CDH8: variants seen among roughly 807,000 people sequenced by gnomAD.
CDH8 encodes cadherin-8.
Under a neutral mutation model 68.1 loss-of-function variants are expected in CDH8, and 17 were observed. That is an observed-to-expected ratio of 0.25 (90% CI 0.17 to 0.37). The LOEUF is 0.37. Ranked by LOEUF, CDH8 falls within the 10% of genes least tolerant of loss-of-function variation. The pLI is 1.00. For missense variants in CDH8, 763 were observed against 999.3 expected (o/e 0.76, Z 3.19); for synonymous variants, 372 against 365.1 (o/e 1.02, Z -0.21).
chr16:62,016,478 C>T (rs1188846806), intron 2 of CDH8, among the ~76,000 whole-genome samples: 4 of 152,320 alleles, frequency 2.6e-5, no homozygotes, highest in African/African-American at 9.6e-5. Flanking sequence ...AGTATCTGCA[C>T]ATTTTACCAC....
intron 2 of CDH8, among the ~76,000 whole-genome samples, chr16:62,010,424 G>C (rs1901778828): frequency 6.6e-6 from 1 of 152,138 alleles, no homozygotes; most frequent in South Asian, 2.1e-4. Flanking sequence ...GCACAGGTTT[G>C]ACTCTGGGCT....
At chr16:61,940,063 C>T (rs967395363) in intron 2 of CDH8, among the ~76,000 whole-genome samples, 1 of 152,134 alleles carries the variant, frequency 6.6e-6, no homozygotes, top group Non-Finnish European at 1.5e-5. Flanking sequence ...ACCCATTTTA[C>T]CACATCAAAA....
chr16:61,890,590 G>C (rs1382195071), intron 3 of CDH8, among the ~76,000 whole-genome samples: 1 of 152,160 alleles, frequency 6.6e-6, no homozygotes, highest in Non-Finnish European at 1.5e-5. Context: ...TGGCGGTGGG[G>C]TAAGAGGAAG....
intron 4 of CDH8, among the ~76,000 whole-genome samples, chr16:61,825,518 G>A (rs2143001732): frequency 6.6e-6 from 1 of 152,008 alleles, no homozygotes; most frequent in South Asian, 2.1e-4. Flanking sequence ...AACCCTGGGA[G>A]TGAAAGAATT....
Position 61,649,413 on chromosome 16 carries a change from C to T in CDH8, c.*4195G>A, listed in dbSNP as rs1234299834. ...AGTAACTGAATTGTGTATATATGTG[C>T]ATATTTATATATATGAATATATTTA... On this transcript the variant is annotated 3_prime_UTR_variant, in exon 12 of 12. Transcript: ENST00000577390. 6.6e-6 allele frequency: 1 copy of T among 150,732 alleles called. No homozygotes were observed. Among genetic ancestry groups the T allele is most frequent in the Non-Finnish European group, 1.5e-5 (1 of 67,758 alleles). The allele number at this position is 150,732 out of a possible 1,614,324, so 9.3% of individuals were successfully genotyped here.
chr16:61,679,128 A>T (rs1476640555), intron 10 of CDH8, among the ~76,000 whole-genome samples: 1 of 152,046 alleles, frequency 6.6e-6, no homozygotes, highest in Non-Finnish European at 1.5e-5. Flanking sequence ...CAGGCTAAAG[A>T]TTTAATAAAA....
At chr16:61,728,907 G>A (rs1959457139) in intron 8 of CDH8, among the ~76,000 whole-genome samples, 1 of 150,918 alleles carries the variant, frequency 6.6e-6, no homozygotes, top group South Asian at 2.1e-4. Flanking sequence ...TAACACTTTT[G>A]TTATAGAATT....
chr16:61,983,441 G>C (rs551869413), intron 2 of CDH8, among the ~76,000 whole-genome samples: 1 of 152,102 alleles, frequency 6.6e-6, no homozygotes, highest in Non-Finnish European at 1.5e-5. Context: ...CGACATTCTA[G>C]GACATTTATC....
At chr16:61,733,820 G>T (rs1006245697) in intron 8 of CDH8, among the ~76,000 whole-genome samples, 6 of 151,824 alleles carry the variant, frequency 4.0e-5, no homozygotes, top group African/African-American at 1.5e-4. Context: ...GTAACTCGTT[G>T]ATTCTTGAGC....
At chr16:61,655,829 A>G (rs111810282) in intron 10 of CDH8, 108 bp from the exon 11 acceptor site, 1 of 893,946 alleles carries the variant, frequency 1.1e-6, no homozygotes, top group East Asian at 2.6e-5. Context: ...GACAATCCCG[A>G]CTTCAAAGGA....
intron 1 of CDH8, among the ~76,000 whole-genome samples, chr16:62,029,241 C>T (rs575476261): frequency 4.6e-5 from 7 of 152,212 alleles, no homozygotes; most frequent in South Asian, 4.2e-4. Flanking sequence ...TTGGATGTTT[C>T]GAGTGCTTAA....
rs940451614 is a variant in CDH8, at chr16:62,021,494, G to A, written c.-91C>T. The A allele has an allele frequency of 5.9e-6, 9 of 1,518,386 alleles. No individual in the cohort carries two copies. The highest frequency in any genetic ancestry group is 2.3e-5 in the East Asian group (1 of 44,072). The allele number at this position is 1,518,386 out of a possible 1,614,324, so 94.1% of individuals were successfully genotyped here. A position where few individuals can be genotyped will look rare whatever the true frequency, so the allele number is the denominator to read the frequency against. On this transcript the variant is annotated 5_prime_UTR_variant, in exon 2 of 12. Coordinates refer to ENST00000577390, the MANE Select transcript of CDH8 (RefSeq NM_001796.5). ...GCCATCCAATTCATCATGCAGTGCCGAGCATTTACTTACAGCTCTGCCACG... is the reference window on the plus strand; with the variant it reads ...GCCATCCAATTCATCATGCAGTGCCAAGCATTTACTTACAGCTCTGCCACG...
At chr16:61,742,607 C>CT (rs1216107668) in intron 8 of CDH8, among the ~76,000 whole-genome samples, 1 of 152,128 alleles carries the variant, frequency 6.6e-6, no homozygotes, top group African/African-American at 2.4e-5. Flanking sequence ...ATCTTTTTCT[C>CT]TATCTTCTCT....
intron 3 of CDH8, among the ~76,000 whole-genome samples, chr16:61,871,244 C>T (rs1963355622): frequency 6.6e-6 from 1 of 151,834 alleles, no homozygotes; most frequent in Non-Finnish European, 1.5e-5. Context: ...GCCGTGGTAC[C>T]ATAACAACTC....
chr16:62,021,117 G>T lies in CDH8; in HGVS notation c.252+35C>A, dbSNP rs753169981. The T allele has an allele frequency of 3.8e-6, 6 of 1,580,844 alleles. No homozygotes were observed. In the African/African-American group the frequency reaches 6.7e-5, roughly 18 times the overall value. ...ATTAAACATCTTAAGACCACTAACA[G>T]ACCCTGAAATTGAGATCTTAAAAAC... On this transcript the variant is annotated intron_variant, in intron 2 of 11. Coordinates refer to ENST00000577390, the MANE Select transcript of CDH8 (RefSeq NM_001796.5).
At chr16:62,014,765 C>T (rs963168211) in intron 2 of CDH8, among the ~76,000 whole-genome samples, 1 of 152,012 alleles carries the variant, frequency 6.6e-6, no homozygotes, top group Non-Finnish European at 1.5e-5. Context: ...GTGGCATTAC[C>T]AGCAAGAGAG....
intron 10 of CDH8, among the ~76,000 whole-genome samples, chr16:61,657,001 T>A (rs1027139014): frequency 5.3e-5 from 8 of 151,902 alleles, no homozygotes; most frequent in Non-Finnish European, 1.0e-4. Context: ...CAAAAGCAAA[T>A]AAACACAATT....
At chr16:61,666,816 A>T (rs562473183) in intron 10 of CDH8, among the ~76,000 whole-genome samples, 65 of 152,120 alleles carry the variant, frequency 4.3e-4, no homozygotes, top group African/African-American at 1.3e-3. Flanking sequence ...TCTGTTGTTT[A>T]TTTATAAAAA....
rs113435682 is a variant in CDH8 at position 61,905,204 on chromosome 16, C to T, written c.253-3731G>A. Among the ~76,000 whole-genome samples the T allele has an allele frequency of 8.6e-3, 1,307 of 152,232 alleles. 11 individuals are homozygous for T. Among genetic ancestry groups the T allele is most frequent in the Non-Finnish European group, 0.014 (969 of 68,030 alleles). On this transcript the variant is annotated intron_variant, in intron 2 of 11. Transcript: ENST00000577390. ...GTGGGATCAGAATCACATGCAATCC[C>T]GCCTGGGCAGGTAGGACTCATTCAG...
Sources: allele counts gnomAD v4.1 joint callset (sites outside exome capture counted in the v4.1 genomes callset), GRCh38; gene constraint gnomAD v4.1.1; transcripts MANE v1.5; gene names NCBI Gene and HGNC (gene_info 2026-07-23, HGNC 2026-07-21).